FBXL7: variants seen among roughly 807,000 people sequenced by gnomAD.
The protein encoded by FBXL7 is F-box/LRR-repeat protein 7.
Under a neutral mutation model 38.3 loss-of-function variants are expected in FBXL7, and 12 were observed. The ratio of observed to expected loss-of-function variants is 0.31; its 90% CI spans 0.20 to 0.51. The LOEUF (loss-of-function observed/expected upper bound fraction) is 0.51, where lower values mean the gene tolerates loss of function less well. Among genes scored for constraint, FBXL7 ranks in the 20% least tolerant of loss-of-function variants. The pLI, the probability that FBXL7 is intolerant of heterozygous loss-of-function variation, is 0.98. For missense variants in FBXL7, 567 were observed against 676.4 expected (o/e 0.84, Z 1.79); for synonymous variants, 297 against 300.9 (o/e 0.99, Z 0.13).
chr5:15,680,591 G>A (rs1424194507), intron 2 of FBXL7, among the ~76,000 whole-genome samples: 5 of 151,934 alleles, frequency 3.3e-5, no homozygotes, highest in Non-Finnish European at 4.4e-5. Flanking sequence ...GAAAACAACT[G>A]TAAAGATGAG....
At chr5:15,633,958 T>C (rs1183255633) in intron 2 of FBXL7, among the ~76,000 whole-genome samples, 1 of 151,550 alleles carries the variant, frequency 6.6e-6, no homozygotes. Flanking sequence ...TTTTTGTATT[T>C]TTAGTAGAGA....
At chr5:15,874,988 G>A (rs1235627004) in intron 2 of FBXL7, among the ~76,000 whole-genome samples, 1 of 152,112 alleles carries the variant, frequency 6.6e-6, no homozygotes, top group Non-Finnish European at 1.5e-5. Context: ...AAAGCTGGAG[G>A]CATCACGCTA....
At chr5:15,804,509 A>G (rs1167351751) in intron 2 of FBXL7, among the ~76,000 whole-genome samples, 2 of 152,200 alleles carry the variant, frequency 1.3e-5, no homozygotes, top group African/African-American at 2.4e-5. Context: ...AAATGTTTAC[A>G]GTTGACCATT....
At chr5:15,721,866 G>A (rs958810767) in intron 2 of FBXL7, among the ~76,000 whole-genome samples, 4 of 151,616 alleles carry the variant, frequency 2.6e-5, no homozygotes, top group East Asian at 1.9e-4. Context: ...ATGGAGTCTC[G>A]CTCTGTCGCC....
At chr5:15,674,851 G>T (rs904702094) in intron 2 of FBXL7, among the ~76,000 whole-genome samples, 1 of 152,166 alleles carries the variant, frequency 6.6e-6, no homozygotes, top group African/African-American at 2.4e-5. Flanking sequence ...CTGGAAAATT[G>T]TTGTTTGACC....
At chr5:15,844,864 C>T (rs1738850115) in intron 2 of FBXL7, among the ~76,000 whole-genome samples, 1 of 152,178 alleles carries the variant, frequency 6.6e-6, no homozygotes, top group African/African-American at 2.4e-5. Context: ...ACAGACCACT[C>T]CTGCATCCTC....
intron 2 of FBXL7, among the ~76,000 whole-genome samples, chr5:15,847,316 A>G (rs1270682498): frequency 6.6e-6 from 1 of 152,224 alleles, no homozygotes; most frequent in Non-Finnish European, 1.5e-5. Context: ...GCAGCAAGAA[A>G]TGCTGAGCAA....
At chr5:15,615,783 G>T (rs1383629332) in intron 1 of FBXL7, among the ~76,000 whole-genome samples, 200 bp from the exon 2 acceptor site, 2 of 152,074 alleles carry the variant, frequency 1.3e-5, no homozygotes, top group Non-Finnish European at 2.9e-5. Flanking sequence ...GAAGACTTTA[G>T]TTCTCCTATA....
intron 1 of FBXL7, among the ~76,000 whole-genome samples, chr5:15,555,995 A>G (rs1393283665): frequency 8.3e-6 from 1 of 120,828 alleles, no homozygotes; most frequent in African/African-American, 3.6e-5. Flanking sequence ...CTATCTATCT[A>G]TCTATCTATC....
At chr5:15,926,372 A>G (rs900095219) in intron 2 of FBXL7, among the ~76,000 whole-genome samples, 3 of 148,168 alleles carry the variant, frequency 2.0e-5, no homozygotes, top group Admixed American at 1.4e-4. Context: ...TATATTATAT[A>G]ATATCAATGT....
intron 2 of FBXL7, among the ~76,000 whole-genome samples, chr5:15,920,992 A>G (rs1293208262): frequency 1.3e-5 from 2 of 152,168 alleles, no homozygotes; most frequent in Non-Finnish European, 2.9e-5. Flanking sequence ...TGCCTTCATG[A>G]CACTTGTAGT....
At chr5:15,837,749 T>G (rs1431077266) in intron 2 of FBXL7, among the ~76,000 whole-genome samples, 2 of 152,112 alleles carry the variant, frequency 1.3e-5, no homozygotes, top group Non-Finnish European at 2.9e-5. Flanking sequence ...ACCATGAACA[T>G]AGTGCATTGT....
intron 1 of FBXL7, among the ~76,000 whole-genome samples, chr5:15,601,197 C>T (rs1366898707): frequency 6.6e-6 from 1 of 152,164 alleles, no homozygotes; most frequent in Non-Finnish European, 1.5e-5. Flanking sequence ...GTAGAACCAC[C>T]AGTGAACTTT....
At chr5:15,620,400 TTTTTTGTTTTTTG>T (rs1457150708) in intron 2 of FBXL7, among the ~76,000 whole-genome samples, 11 of 128,900 alleles carry the variant, frequency 8.5e-5, no homozygotes, top group African/African-American at 3.9e-4. Context: ...GCCCAGCTAA[TTTTTTGTTTTTTG>T]TTTTTTTTTT....
At chr5:15,530,005 A>T (rs1216628476) in intron 1 of FBXL7, among the ~76,000 whole-genome samples, 2 of 152,164 alleles carry the variant, frequency 1.3e-5, no homozygotes, top group Non-Finnish European at 2.9e-5. Context: ...GTTCTGGGAA[A>T]ACTTAGCTGA....
intron 1 of FBXL7, among the ~76,000 whole-genome samples, chr5:15,613,481 G>C (rs1420865159): frequency 1.3e-5 from 2 of 152,192 alleles, no homozygotes; most frequent in Non-Finnish European, 2.9e-5. Flanking sequence ...GGTTAACTCT[G>C]AGGGTAGAGG....
intron 2 of FBXL7, among the ~76,000 whole-genome samples, chr5:15,892,805 C>T (rs1740955121): frequency 6.6e-6 from 1 of 152,100 alleles, no homozygotes; most frequent in Non-Finnish European, 1.5e-5. Context: ...AACTATTTTC[C>T]TCATTTTACA....
At chr5:15,760,979 G>A (rs1273566277) in intron 2 of FBXL7, among the ~76,000 whole-genome samples, 1 of 151,900 alleles carries the variant, frequency 6.6e-6, no homozygotes, top group Non-Finnish European at 1.5e-5. Flanking sequence ...GTGATCATTG[G>A]AAGTTAGACA....
chr5:15,895,401 G>A (rs1193353796), intron 2 of FBXL7, among the ~76,000 whole-genome samples: 1 of 151,988 alleles, frequency 6.6e-6, no homozygotes, highest in Non-Finnish European at 1.5e-5. Flanking sequence ...CTTAGCACAT[G>A]GAACAGGGCA....
Sources: allele counts gnomAD v4.1 joint callset (sites outside exome capture counted in the v4.1 genomes callset), GRCh38; gene constraint gnomAD v4.1.1; transcripts MANE v1.5; gene names NCBI Gene and HGNC (gene_info 2026-07-23, HGNC 2026-07-21).